The following RORA variants were observed in gnomAD, a reference collection of about 807,000 sequenced individuals.
The protein encoded by RORA is nuclear receptor ROR-alpha.
Under a neutral mutation model 69.5 loss-of-function variants are expected in RORA, and 7 were observed. That is an observed-to-expected ratio of 0.10 (90% CI 0.06 to 0.19). The LOEUF (loss-of-function observed/expected upper bound fraction) is 0.19, where lower values mean the gene tolerates loss of function less well. Ranked by LOEUF, RORA falls within the 10% of genes least tolerant of loss-of-function variation. RORA has a pLI of 1.00. For synonymous variants in RORA, 261 were observed against 240.8 expected, an observed-to-expected ratio of 1.08 and a Z score of -0.78; for missense variants, 457 against 663.0, an observed-to-expected ratio of 0.69 and a Z score of 3.41.
chr15:61,135,490 T>C (rs2079229455), intron 1 of RORA, among the ~76,000 whole-genome samples: 1 of 151,706 alleles, frequency 6.6e-6, no homozygotes, highest in African/African-American at 2.4e-5. Flanking sequence ...TTTCCCAAAG[T>C]GTTAGAATAA....
intron 2 of RORA, among the ~76,000 whole-genome samples, chr15:60,646,587 C>A (rs1316645423): frequency 6.6e-6 from 1 of 152,202 alleles, no homozygotes; most frequent in East Asian, 1.9e-4. Context: ...CTTCCAAGCC[C>A]CCGAATGGTG....
intron 1 of RORA, among the ~76,000 whole-genome samples, chr15:61,126,268 A>G (rs2079141661): frequency 6.6e-6 from 1 of 152,248 alleles, no homozygotes; most frequent in South Asian, 2.1e-4. Context: ...TATATGCACA[A>G]TGTGTATACA....
intron 2 of RORA, among the ~76,000 whole-genome samples, chr15:60,546,922 C>T (rs2067088027): frequency 6.6e-6 from 1 of 152,106 alleles, no homozygotes; most frequent in Admixed American, 6.5e-5. Context: ...TCGTGTTGTC[C>T]CTCCCTTCAG....
chr15:60,550,725 G>A (rs2067206935), intron 2 of RORA, among the ~76,000 whole-genome samples: 1 of 152,126 alleles, frequency 6.6e-6, no homozygotes, highest in African/African-American at 2.4e-5. Flanking sequence ...TCTCCAAGGG[G>A]ATGATGAGGG....
chr15:60,945,458 T>C (rs778014352), intron 1 of RORA, among the ~76,000 whole-genome samples: 1 of 152,148 alleles, frequency 6.6e-6, no homozygotes, highest in Non-Finnish European at 1.5e-5. Context: ...TCATGGCTGC[T>C]GCAGACAAGA....
intron 1 of RORA, among the ~76,000 whole-genome samples, chr15:60,984,675 A>C (rs1163535107): frequency 6.6e-6 from 1 of 152,162 alleles, no homozygotes; most frequent in East Asian, 1.9e-4. Context: ...GACAAGATAA[A>C]TACAGAAATT....
At chr15:60,670,462 G>T (rs985273710) in intron 2 of RORA, among the ~76,000 whole-genome samples, 1 of 151,886 alleles carries the variant, frequency 6.6e-6, no homozygotes, top group Non-Finnish European at 1.5e-5. Context: ...CGCCCGTCTC[G>T]GCCTCCCAAA....
At chr15:61,098,614 G>T (rs1213891330) in intron 1 of RORA, among the ~76,000 whole-genome samples, 1 of 152,142 alleles carries the variant, frequency 6.6e-6, no homozygotes. Context: ...AAATGCTAGG[G>T]TTAAAGGTGT....
chr15:61,080,184 C>T (rs1464153582), intron 1 of RORA, among the ~76,000 whole-genome samples: 1 of 152,128 alleles, frequency 6.6e-6, no homozygotes, highest in Non-Finnish European at 1.5e-5. Flanking sequence ...GCCAACTCCC[C>T]ACTTCCCTAC....
intron 1 of RORA, among the ~76,000 whole-genome samples, chr15:60,833,207 C>A (rs1285307517): frequency 1.0e-4 from 15 of 149,600 alleles, no homozygotes; most frequent in Admixed American, 1.0e-3. Flanking sequence ...CCAGCCGAGT[C>A]TTCTTTTTTT....
chr15:60,612,590 G>C (rs146893564), intron 2 of RORA, among the ~76,000 whole-genome samples: 20 of 151,008 alleles, frequency 1.3e-4, no homozygotes, highest in African/African-American at 4.6e-4. Flanking sequence ...GGTAGAACAA[G>C]CCTGCTGTCA....
At chr15:60,777,736 A>C (rs1427405834) in intron 1 of RORA, among the ~76,000 whole-genome samples, 1 of 152,152 alleles carries the variant, frequency 6.6e-6, no homozygotes, top group African/African-American at 2.4e-5. Flanking sequence ...CCAGGTGCTC[A>C]CCTCTAGTAA....
intron 1 of RORA, among the ~76,000 whole-genome samples, chr15:61,168,252 G>C (rs562168418): frequency 6.6e-6 from 1 of 151,662 alleles, no homozygotes; most frequent in South Asian, 2.1e-4. Flanking sequence ...ATTTTGAGAC[G>C]GAGTCTTGCT....
intron 1 of RORA, among the ~76,000 whole-genome samples, chr15:60,899,418 C>A (rs7168782): frequency 0.21 from 31,277 of 152,160 alleles, 3,633 homozygotes; most frequent in African/African-American, 0.32. Flanking sequence ...AAATGACATG[C>A]TTACTAATTT....
At chr15:60,853,273 G>C (rs144060024) in intron 1 of RORA, among the ~76,000 whole-genome samples, 1 of 152,334 alleles carries the variant, frequency 6.6e-6, no homozygotes, top group East Asian at 1.9e-4. Context: ...AAAGGTCAGG[G>C]GGGCTGTCTG....
intron 1 of RORA, among the ~76,000 whole-genome samples, chr15:60,855,006 T>A (rs1595768405): frequency 1.3e-5 from 2 of 152,362 alleles, no homozygotes; most frequent in Admixed American, 1.3e-4. Flanking sequence ...GTAGTCATTT[T>A]GAGCATCGCA....
intron 1 of RORA, among the ~76,000 whole-genome samples, chr15:60,843,383 G>A (rs1325031624): frequency 1.3e-5 from 2 of 152,178 alleles, no homozygotes; most frequent in Non-Finnish European, 2.9e-5. Flanking sequence ...GGACATCGGA[G>A]CCTGGAGAGA....
chr15:60,554,824 G>A (rs1199583831), intron 2 of RORA, among the ~76,000 whole-genome samples: 1 of 152,064 alleles, frequency 6.6e-6, no homozygotes, highest in Admixed American at 6.5e-5. Flanking sequence ...GAAGAGAGAA[G>A]AGCCCTTCAA....
intron 2 of RORA, among the ~76,000 whole-genome samples, chr15:60,561,605 C>T (rs1459735870): frequency 1.3e-5 from 2 of 152,006 alleles, no homozygotes; most frequent in Admixed American, 6.5e-5. Context: ...TTTTTGGACC[C>T]CCTTCCATAA....
Sources: gnomAD v4.1 joint callset for allele counts (sites outside exome capture counted in the v4.1 genomes callset) on GRCh38, gnomAD v4.1.1 for gene constraint, MANE v1.5 for transcripts, NCBI Gene and HGNC (gene_info 2026-07-23, HGNC 2026-07-21) for gene names.